The following CCDC51 variants were observed in gnomAD, a reference collection of about 807,000 sequenced individuals.
The protein encoded by CCDC51 is mitochondrial potassium channel.
CCDC51 carries 25 observed loss-of-function variants against 24.8 expected under a neutral mutation model. That is an observed-to-expected ratio of 1.01 (90% confidence interval 0.73 to 1.41). The LOEUF (loss-of-function observed/expected upper bound fraction) is 1.41. Among genes scored for constraint, CCDC51 ranks in the 40% most tolerant of loss-of-function variants. CCDC51 has a pLI of 0.00. For missense variants in CCDC51, 466 were observed against 519.1 expected (o/e 0.90, Z 0.99); for synonymous variants, 190 against 204.3 (o/e 0.93, Z 0.60).
Position 48,439,968 on chromosome 3 carries a change from G to A in CCDC51, c.-9+20C>T, listed in dbSNP as rs375847290. On this transcript the variant is annotated intron_variant, in intron 1 of 3. Coordinates refer to ENST00000395694, the MANE Select transcript of CCDC51 (RefSeq NM_001256964.2). The stretch of plus-strand genomic sequence containing the variant: ...GACGAGCTTGAAGCTCTTTGCACAT[G>A]CACATGCCCTGCTGTCTACCTGCAG... 5 of 431,404 alleles carry A rather than the reference G, an allele frequency of 1.2e-5. No homozygotes were observed. Among genetic ancestry groups the A allele is most frequent in the Non-Finnish European group, 2.1e-5 (5 of 242,332 alleles). 26.7% of individuals were successfully genotyped at this position (431,404 alleles called of 1,614,324 possible).
At chr3:48,436,402 T>C (rs979301032) in intron 1 of CCDC51, among the ~76,000 whole-genome samples, 38 of 152,190 alleles carry the variant, frequency 2.5e-4, no homozygotes, top group Non-Finnish European at 8.8e-5. Flanking sequence ...AAAACACAGC[T>C]GGTTGGGTAG....
At chr3:48,438,795 G>A (rs2039452291) in intron 1 of CCDC51, among the ~76,000 whole-genome samples, 1 of 152,132 alleles carries the variant, frequency 6.6e-6, no homozygotes, top group African/African-American at 2.4e-5. Context: ...TGGAACCATT[G>A]TCTCTCTGCT....
In CCDC51 at chr3:48,434,798, C is replaced by T. The variant is rs749406049; in HGVS notation, c.312+19G>A. The T allele has an allele frequency of 7.0e-6, 11 of 1,570,066 alleles. No individual in the cohort carries two copies. Among genetic ancestry groups the T allele is most frequent in the Non-Finnish European group, 9.5e-6 (11 of 1,153,932 alleles). On this transcript the variant is annotated intron_variant, in intron 2 of 3. Transcript: ENST00000395694. ...CCAAGTCAGAGGGCGGGGCCAGCCA[C>T]CCCAGCTCCCCTCCTCACCTCTGTC...
At chr3:48,444,452 TTAG>T (rs1328007829), upstream of CCDC51, among the ~76,000 whole-genome samples, 5 of 152,160 alleles carry the variant, frequency 3.3e-5, no homozygotes, top group Admixed American at 3.3e-4. Flanking sequence ...TTTTGTATTT[TTAG>T]TAGAGAGGGG....
chr3:48,432,575 T>A lies in CCDC51; in HGVS notation c.1069A>T (p.Met357Leu). 6.2e-7 allele frequency: 1 copy of A among 1,614,264 alleles called. No individual in the cohort carries two copies. Among genetic ancestry groups the A allele is most frequent in the Middle Eastern group, 1.6e-4 (1 of 6,062 alleles). The change falls in exon 4 of 4, where the codon ATG becomes TTG. Residue 357 changes from methionine (M) to leucine (L), a missense_variant. Transcript: ENST00000395694. ...CCCTGCTCCAGCAAGAAGCTGGGCA[T>A]AGCCCCGTCTGCTGGTTCCACCAGG... The part of the protein sequence containing the change: ...PGLVEPADGA[M>L]PSFLLEQGSM...
upstream of CCDC51, among the ~76,000 whole-genome samples, chr3:48,442,122 A>G (rs1311666508): frequency 6.6e-6 from 1 of 152,058 alleles, no homozygotes; most frequent in Non-Finnish European, 1.5e-5. Flanking sequence ...AATCCCAGCT[A>G]TTTAAAAGGC....
chr3:48,440,009 C>G lies in CCDC51; in HGVS notation c.-30G>C, dbSNP rs536420934. 11 of 496,572 alleles carry G rather than the reference C, an allele frequency of 2.2e-5. No individual in the cohort carries two copies. In the East Asian group the frequency reaches 3.5e-4, roughly 16 times the overall value. 30.8% of individuals were successfully genotyped at this position (496,572 alleles called of 1,614,324 possible). ...CTACCTGCAGTGCTCTTCCCGCGCA[C>G]GGCCACAGGCCTGGTAGGCCGTCCG... is the stretch of plus-strand genomic sequence containing the variant. On this transcript the variant is annotated 5_prime_UTR_variant, in exon 1 of 4. Transcript: ENST00000395694.
intron 1 of CCDC51, among the ~76,000 whole-genome samples, chr3:48,436,499 C>T (rs763028290): frequency 3.3e-5 from 5 of 152,214 alleles, no homozygotes; most frequent in Non-Finnish European, 5.9e-5. Flanking sequence ...TGGTGCCACA[C>T]CCAAACCCCT....
rs889437615 is a variant in CCDC51 at position 48,435,652 on chromosome 3, T to C, written c.-8-516A>G. ...GCCTCAAAACCAACTCCCCAGACTC[T>C]CCAAGGACTGCCTCAGCACAAGGGA... On this transcript the variant is annotated intron_variant, in intron 1 of 3. Coordinates refer to ENST00000395694, the MANE Select transcript of CCDC51 (RefSeq NM_001256964.2). This position sits in a 1 kb window ranked among gnomAD's most constrained non-coding sequence, Gnocchi z 4.2. Among the ~76,000 whole-genome samples, 4 of 152,000 alleles carry C rather than the reference T, an allele frequency of 2.6e-5. No individual in the cohort carries two copies. Among genetic ancestry groups the C allele is most frequent in the Non-Finnish European group, 5.9e-5 (4 of 68,014 alleles).
rs114980420 is a variant in CCDC51 at position 48,439,091 on chromosome 3, C to T, written c.-9+897G>A. The stretch of plus-strand genomic sequence containing the variant: ...CCCTTGGGAGGTCTTCCCCATGCAC[C>T]CTATCAGATATGGCCATCCCACTCC... On this transcript the variant is annotated intron_variant, in intron 1 of 3. Coordinates refer to ENST00000395694, the MANE Select transcript of CCDC51 (RefSeq NM_001256964.2). Among the ~76,000 whole-genome samples, 698 of 152,296 alleles carry T rather than the reference C, an allele frequency of 4.6e-3. 4 individuals carry two copies. Among genetic ancestry groups the T allele is most frequent in the Middle Eastern group, 0.027 (8 of 294 alleles).
the CCDC51 span, among the ~76,000 whole-genome samples, chr3:48,445,516 G>C: frequency 6.6e-6 from 1 of 152,194 alleles, no homozygotes; most frequent in African/African-American, 2.4e-5. Flanking sequence ...CTGAGCACCA[G>C]TGATTCACAC....
Position 48,435,700 on chromosome 3 carries a change from A to G in CCDC51, c.-8-564T>C, listed in dbSNP as rs1357984794. 6.6e-6 allele frequency among the ~76,000 whole-genome samples: 1 copy of G among 152,168 alleles called. No individual in the cohort carries two copies. Among genetic ancestry groups the G allele is most frequent in the Non-Finnish European group, 1.5e-5 (1 of 68,022 alleles). On this transcript the variant is annotated intron_variant, in intron 1 of 3. Transcript: ENST00000395694. The surrounding 1 kb of genome is among the most constrained non-coding windows in gnomAD (Gnocchi z 4.2). ...GGAAGCAGAGTTTCAATTCTGTGCA[A>G]GGACCTAAGGACACAGGCCATTTGT...
chr3:48,444,014 A>G, upstream of CCDC51: 1 of 672,790 alleles, frequency 1.5e-6, no homozygotes, highest in Non-Finnish European at 2.2e-6. Context: ...TGTACATTTA[A>G]GAATAAACTT....
Position 48,432,289 on chromosome 3 carries a change from A to C in CCDC51, c.*119T>G. On this transcript the variant is annotated 3_prime_UTR_variant, in exon 4 of 4. Transcript: ENST00000395694. ...ATGCCTGCTGGTGAGCCACACAGAT[A>C]CTGCTCCTTCAGATTGAGGTTGTAC... 1 of 1,183,960 alleles carries C rather than the reference A, an allele frequency of 8.4e-7. No homozygotes were observed. Among genetic ancestry groups the C allele is most frequent in the African/African-American group, 1.5e-5 (1 of 66,190 alleles). 73.3% of individuals were successfully genotyped at this position (1,183,960 alleles called of 1,614,324 possible). A position where few individuals can be genotyped will look rare whatever the true frequency, so the allele number is the denominator to read the frequency against.
Position 48,439,980 on chromosome 3 carries a change from C to T in CCDC51, c.-9+8G>A. 2.2e-6 allele frequency: 1 copy of T among 464,226 alleles called. No individual in the cohort carries two copies. The highest frequency in any genetic ancestry group is 4.3e-5 in the South Asian group (1 of 23,024). 28.8% of individuals were successfully genotyped at this position (464,226 alleles called of 1,614,324 possible). A position where few individuals can be genotyped will look rare whatever the true frequency, so the allele number is the denominator to read the frequency against. On this transcript the variant is annotated splice_region_variant and intron_variant, in intron 1 of 3. Transcript: ENST00000395694. Reference sequence around the variant, plus strand: ...GCTCTTTGCACATGCACATGCCCTGCTGTCTACCTGCAGTGCTCTTCCCGC... The same window carrying T: ...GCTCTTTGCACATGCACATGCCCTGTTGTCTACCTGCAGTGCTCTTCCCGC...
chr3:48,433,058 T>C lies in CCDC51; in HGVS notation c.586A>G (p.Arg196Gly), dbSNP rs987639492. The C allele has an allele frequency of 5.0e-6, 8 of 1,614,062 alleles. No homozygotes were observed. The African/African-American group carries it at 8.0e-5, about 16-fold the overall frequency. The change falls in exon 4 of 4, where the codon AGG becomes GGG. Residue 196 changes from arginine to glycine, a missense_variant. Transcript: ENST00000395694. This position sits in a 1 kb window ranked among gnomAD's most constrained non-coding sequence, Gnocchi z 4.4. ...VRESHEKERT[R>G]AERTKNWSLI... is the part of the protein sequence containing the mutation. ...GACCAGTTCTTGGTCCTCTCAGCCC[T>C]TGTGCGCTCCTTCTCATGACTTTCC...
chr3:48,443,754 A>G, upstream of CCDC51: 1 of 1,023,962 alleles, frequency 9.8e-7, no homozygotes, highest in Non-Finnish European at 1.4e-6. Context: ...GCCCAATACA[A>G]AAGCCAGGCT....
upstream of CCDC51, among the ~76,000 whole-genome samples, chr3:48,441,916 C>G (rs905879066): frequency 2.0e-5 from 3 of 152,170 alleles, no homozygotes; most frequent in African/African-American, 7.2e-5. Flanking sequence ...ACTGAGATTT[C>G]TAGCTCTTGA....
chr3:48,438,762 C>CA (rs1236402586), intron 1 of CCDC51, among the ~76,000 whole-genome samples: 1 of 152,222 alleles, frequency 6.6e-6, no homozygotes, highest in Non-Finnish European at 1.5e-5. Context: ...GTCGAGCAGT[C>CA]AGTGTTCCTT....
Sources: gnomAD v4.1 joint callset for allele counts (sites outside exome capture counted in the v4.1 genomes callset) on GRCh38, gnomAD v4.1.1 for gene constraint, Gnocchi (gnomAD v3.1) non-coding constraint, MANE v1.5 for transcripts, NCBI Gene and HGNC (gene_info 2026-07-23, HGNC 2026-07-21) for gene names.